The following CTNNA2 variants were observed in gnomAD, a reference collection of about 807,000 sequenced individuals.
The protein encoded by CTNNA2 is catenin alpha-2.
In CTNNA2, 42 loss-of-function variants were observed where a neutral mutation model predicts 101.0. The ratio of observed to expected loss-of-function variants is 0.42; its 90% CI spans 0.32 to 0.54. The LOEUF (loss-of-function observed/expected upper bound fraction) is 0.54. Ranked by LOEUF, CTNNA2 falls within the 20% of genes least tolerant of loss-of-function variation. The pLI is 0.14. For missense variants in CTNNA2, 871 were observed against 1,223.1 expected (o/e 0.71, Z 4.29); for synonymous variants, 450 against 456.4 (o/e 0.99, Z 0.18).
chr2:79,636,105 C>CAAA (rs771737673), intron 1 of CTNNA2, among the ~76,000 whole-genome samples: 4 of 131,124 alleles, frequency 3.1e-5, no homozygotes, highest in Admixed American at 7.8e-5. Flanking sequence ...ACTAAAAATA[C>CAAA]AAAAAAAAAA....
At chr2:80,645,168 A>G (rs1673934506) in intron 18 of CTNNA2, among the ~76,000 whole-genome samples, 1 of 152,126 alleles carries the variant, frequency 6.6e-6, no homozygotes, top group South Asian at 2.1e-4. Context: ...TACTCATAGC[A>G]TGCGATAGAA....
chr2:79,246,368 T>C (rs1020491729), intron 2 of CTNNA2, among the ~76,000 whole-genome samples: 10 of 152,222 alleles, frequency 6.6e-5, no homozygotes, highest in African/African-American at 1.7e-4. Flanking sequence ...ATTTTCCTCC[T>C]GTCCTGAGTC....
intron 2 of CTNNA2, among the ~76,000 whole-genome samples, chr2:79,266,937 T>G (rs1328058250): frequency 6.6e-6 from 1 of 152,082 alleles, no homozygotes; most frequent in Non-Finnish European, 1.5e-5. Flanking sequence ...CAGACTGTAC[T>G]CAAAATTAGA....
At chr2:79,621,089 G>A (rs542416757) in intron 1 of CTNNA2, among the ~76,000 whole-genome samples, 81 of 152,184 alleles carry the variant, frequency 5.3e-4, no homozygotes, top group African/African-American at 1.8e-3. Flanking sequence ...TACATGTGTG[G>A]GTAAAAGTGG....
chr2:79,955,529 T>C (rs1689162571), intron 7 of CTNNA2, among the ~76,000 whole-genome samples: 1 of 152,170 alleles, frequency 6.6e-6, no homozygotes, highest in Non-Finnish European at 1.5e-5. Flanking sequence ...TTTCAGTTGT[T>C]TGCAGTTTGT....
intron 9 of CTNNA2, among the ~76,000 whole-genome samples, chr2:80,433,880 C>T (rs1173542449): frequency 1.3e-5 from 2 of 152,166 alleles, no homozygotes; most frequent in East Asian, 3.9e-4. Context: ...GGAAAAACTG[C>T]TGATGTCCAA....
chr2:79,664,731 T>TTTTTTTTTTTTTTTTG (rs1682284306), intron 2 of CTNNA2, among the ~76,000 whole-genome samples: 1 of 94,000 alleles, frequency 1.1e-5, no homozygotes, highest in African/African-American at 3.8e-5. Flanking sequence ...TTTTTTTTTT[T>TTTTTTTTTTTTTTTTG]GAGACGGAGT....
intron 4 of CTNNA2, among the ~76,000 whole-genome samples, chr2:79,443,902 T>TCCTCTCTC (rs1678802560): frequency 1.2e-5 from 1 of 83,868 alleles, no homozygotes; most frequent in African/African-American, 5.2e-5. Context: ...TTTGTATACA[T>TCCTCTCTC]ACTCTCTCTC....
chr2:79,594,634 C>A (rs972747960), intron 1 of CTNNA2, among the ~76,000 whole-genome samples: 13 of 152,102 alleles, frequency 8.5e-5, no homozygotes, highest in African/African-American at 3.1e-4. Context: ...TGTCAATAAC[C>A]CATTCAATCT....
intron 3 of CTNNA2, among the ~76,000 whole-genome samples, chr2:79,352,045 C>A (rs1677400382): frequency 6.6e-6 from 1 of 152,152 alleles, no homozygotes; most frequent in South Asian, 2.1e-4. Flanking sequence ...CTGCCAACAG[C>A]ATATAACTGT....
At chr2:80,525,772 C>T (rs1689979729) in intron 9 of CTNNA2, among the ~76,000 whole-genome samples, 1 of 152,140 alleles carries the variant, frequency 6.6e-6, no homozygotes, top group African/African-American at 2.4e-5. Context: ...AAAGCTGCCT[C>T]ATTGGTGCTC....
intron 6 of CTNNA2, among the ~76,000 whole-genome samples, chr2:79,890,152 G>C (rs1264753419): frequency 6.6e-6 from 1 of 152,104 alleles, no homozygotes; most frequent in Non-Finnish European, 1.5e-5. Context: ...TGCTTTGTTG[G>C]TCTCTGAAGA....
At chr2:79,346,615 C>A (rs1022985118) in intron 3 of CTNNA2, among the ~76,000 whole-genome samples, 4 of 152,130 alleles carry the variant, frequency 2.6e-5, no homozygotes, top group African/African-American at 7.2e-5. Context: ...GCCCAGAGAT[C>A]CCTATGTGAT....
intron 2 of CTNNA2, among the ~76,000 whole-genome samples, chr2:79,692,669 A>G (rs957880173): frequency 1.3e-5 from 2 of 152,122 alleles, no homozygotes; most frequent in African/African-American, 4.8e-5. Context: ...TGTGACACAT[A>G]TATACCATGG....
At chr2:80,238,293 C>T (rs2149086710) in intron 7 of CTNNA2, among the ~76,000 whole-genome samples, 1 of 152,266 alleles carries the variant, frequency 6.6e-6, no homozygotes, top group East Asian at 1.9e-4. Flanking sequence ...CAGTCGAGTT[C>T]ATGTAGCCAC....
chr2:80,437,128 T>C (rs1682110271), intron 9 of CTNNA2, among the ~76,000 whole-genome samples: 1 of 152,198 alleles, frequency 6.6e-6, no homozygotes, highest in Non-Finnish European at 1.5e-5. Context: ...CACTGGGCAC[T>C]GAATCTGCTG....
intron 7 of CTNNA2, among the ~76,000 whole-genome samples, chr2:79,966,326 A>G (rs1159834738): frequency 1.3e-5 from 2 of 152,154 alleles, no homozygotes; most frequent in African/African-American, 4.8e-5. Flanking sequence ...GCCTTGAACC[A>G]TGGGGCTCAA....
intron 4 of CTNNA2, among the ~76,000 whole-genome samples, chr2:79,395,288 C>G (rs2902073): frequency 1.3e-5 from 2 of 151,554 alleles, no homozygotes; most frequent in Admixed American, 1.3e-4. Flanking sequence ...ATGTGCACAA[C>G]GTGCAGGTTT....
chr2:79,777,685 A>G (rs1674082839), intron 3 of CTNNA2, among the ~76,000 whole-genome samples: 1 of 152,144 alleles, frequency 6.6e-6, no homozygotes, highest in South Asian at 2.1e-4. Context: ...AAGGATGGGA[A>G]TCTGACCTGA....
Sources: allele counts gnomAD v4.1 joint callset (sites outside exome capture counted in the v4.1 genomes callset), GRCh38; gene constraint gnomAD v4.1.1; transcripts MANE v1.5; gene names NCBI Gene and HGNC (gene_info 2026-07-23, HGNC 2026-07-21).